PCDH15: variants seen among roughly 807,000 people sequenced by gnomAD.
The protein encoded by PCDH15 is protocadherin-15.
In PCDH15, 129 loss-of-function variants were observed where a neutral mutation model predicts 178.5. The observed-to-expected ratio is 0.72, with a 90% CI of 0.63 to 0.84. PCDH15 has a LOEUF of 0.84. PCDH15 is among the 40% of genes least tolerant of loss of function. The pLI is 0.00. For synonymous variants in PCDH15, 800 were observed against 732.0 expected, an observed-to-expected ratio of 1.09 and a Z score of -1.50; for missense variants, 2,230 against 2,099.9, an observed-to-expected ratio of 1.06 and a Z score of -1.21.
chr10:53,958,153 C>T (rs1197736644), intron 23 of PCDH15, among the ~76,000 whole-genome samples: 1 of 152,130 alleles, frequency 6.6e-6, no homozygotes, highest in Non-Finnish European at 1.5e-5. Flanking sequence ...GTAAAAAACA[C>T]TAAAGTCATC....
intron 2 of PCDH15, among the ~76,000 whole-genome samples, chr10:55,160,271 A>G (rs1839028207): frequency 6.6e-6 from 1 of 151,694 alleles, no homozygotes; most frequent in Non-Finnish European, 1.5e-5. Context: ...CTCTCCACCT[A>G]AAGGAAAGTT....
Position 54,669,675 on chromosome 10 carries a change from G to C in PCDH15, c.-28-5385C>G, listed in dbSNP as rs888928801. ...TCTCCCACCCGGTCCTGCTAAATTC[G>C]GCTTACTAGATCTTTGCTCGGGCTT... On this transcript the variant is annotated intron_variant, in intron 1 of 37. Transcript: ENST00000644397. Among the ~76,000 whole-genome samples, 3 of 146,784 alleles carry C rather than the reference G, an allele frequency of 2.0e-5. No individual in the cohort carries two copies. In the Admixed American group the frequency reaches 2.1e-4, roughly 10 times the overall value.
intron 18 of PCDH15, among the ~76,000 whole-genome samples, chr10:54,041,332 A>G (rs1331608642): frequency 2.6e-5 from 4 of 152,094 alleles, no homozygotes; most frequent in African/African-American, 9.7e-5. Flanking sequence ...TGACTTAACC[A>G]TACATGTTTT....
intron 2 of PCDH15, among the ~76,000 whole-genome samples, chr10:54,569,357 T>G (rs929960100): frequency 6.6e-6 from 1 of 152,186 alleles, no homozygotes; most frequent in African/African-American, 2.4e-5. Context: ...TGCTTAATGG[T>G]CATAGAAATG....
At chr10:54,346,623 CA>C in intron 5 of PCDH15, 139 bp from the exon 6 acceptor site, 1 of 961,808 alleles carries the variant, frequency 1.0e-6, no homozygotes, top group East Asian at 2.4e-5. Flanking sequence ...TGAAGTGTTT[CA>C]AAAGAACAGT....
intron 1 of PCDH15, among the ~76,000 whole-genome samples, chr10:55,253,129 C>A (rs1841886300): frequency 1.3e-5 from 2 of 151,792 alleles, no homozygotes; most frequent in Non-Finnish European, 2.9e-5. Context: ...TGGTCTCCAT[C>A]TAATGGATTC....
At chr10:54,054,306 C>G (rs78225167) in intron 18 of PCDH15, among the ~76,000 whole-genome samples, 2 of 151,940 alleles carry the variant, frequency 1.3e-5, no homozygotes, top group Admixed American at 1.3e-4. Context: ...TTAGATGATA[C>G]TTTCAAAATC....
chr10:54,871,971 A>G (rs1228996577), intron 3 of PCDH15, among the ~76,000 whole-genome samples: 1 of 152,086 alleles, frequency 6.6e-6, no homozygotes, highest in Middle Eastern at 3.2e-3. Context: ...AAGATTAAAC[A>G]AGGTGTGGAG....
In PCDH15 at chr10:55,188,204, G is replaced by A. The variant is rs148983288; in HGVS notation, c.-155-21553C>T. On this transcript the variant is annotated intron_variant, in intron 1 of 5. Coordinates refer to the PCDH15 transcript ENST00000458638. ...ACCCAGAGTGTGCACATTTTATATC[G>A]TGTTTATGTTACAGATAATTTATTT... Among the ~76,000 whole-genome samples the A allele has an allele frequency of 4.5e-3, 680 of 151,884 alleles. 3 individuals carry two copies. The highest frequency in any genetic ancestry group is 0.016 in the African/African-American group (646 of 41,450).
chr10:54,524,241 A>T (rs1352873900), intron 3 of PCDH15, among the ~76,000 whole-genome samples: 1 of 152,196 alleles, frequency 6.6e-6, no homozygotes, highest in Non-Finnish European at 1.5e-5. Flanking sequence ...GAGAGTGTAC[A>T]ATATATTTTA....
intron 2 of PCDH15, among the ~76,000 whole-genome samples, chr10:54,624,220 A>C (rs528588105): frequency 2.6e-5 from 4 of 152,328 alleles, no homozygotes; most frequent in African/African-American, 9.6e-5. Context: ...ATAATGCTCT[A>C]AATGAAATTT....
chr10:55,260,713 T>TATGCC (rs1159746692), intron 1 of PCDH15, among the ~76,000 whole-genome samples: 17 of 152,202 alleles, frequency 1.1e-4, no homozygotes, highest in Non-Finnish European at 2.5e-4. Context: ...ACAAATAACG[T>TATGCC]ATGCCATATT....
At chr10:55,443,959 A>G (rs1022880228) in intron 2 of PCDH15, among the ~76,000 whole-genome samples, 10 of 152,184 alleles carry the variant, frequency 6.6e-5, no homozygotes, top group Non-Finnish European at 1.2e-4. Flanking sequence ...CAGCCATAAA[A>G]AAGAATGAGT....
chr10:54,062,247 AAAAAAC>A lies in PCDH15; in HGVS notation c.2220+4504_2220+4509del, dbSNP rs1328613076. ...TGTCTCAAAAAAAAAAAAAAAAAAAAAAAAACAAAAAACAACTAAATGAAAACTCCC... is the reference window on the plus strand; with the variant it reads ...TGTCTCAAAAAAAAAAAAAAAAAAAAAAAAAACAACTAAATGAAAACTCCC... On this transcript the variant is annotated intron_variant, in intron 18 of 37. Coordinates refer to ENST00000644397, the MANE Select transcript of PCDH15 (RefSeq NM_001384140.1). Among the ~76,000 whole-genome samples, 170 of 125,716 alleles carry A rather than the reference AAAAAAC, an allele frequency of 1.4e-3. 4 individuals are homozygous for A. Among genetic ancestry groups the A allele is most frequent in the African/African-American group, 5.2e-3 (148 of 28,696 alleles). The allele number at this position is 125,716 out of a possible 152,430, so 82.5% of individuals were successfully genotyped here. A position where few individuals can be genotyped will look rare whatever the true frequency, so the allele number is the denominator to read the frequency against.
chr10:55,169,998 A>T (rs1380772295), intron 1 of PCDH15, among the ~76,000 whole-genome samples: 1 of 152,054 alleles, frequency 6.6e-6, no homozygotes, highest in Non-Finnish European at 1.5e-5. Context: ...GAAGGAAGGA[A>T]GGAAGGAAGG....
intron 2 of PCDH15, among the ~76,000 whole-genome samples, chr10:55,519,582 C>T (rs1328767941): frequency 6.6e-6 from 1 of 151,900 alleles, no homozygotes; most frequent in African/African-American, 2.4e-5. Flanking sequence ...AAAGTGTATA[C>T]TATATTTTTC....
chr10:55,072,476 G>T (rs914736541), intron 2 of PCDH15, among the ~76,000 whole-genome samples: 1 of 152,060 alleles, frequency 6.6e-6, no homozygotes, highest in African/African-American at 2.4e-5. Context: ...ACACCTCTAC[G>T]CAAATAAACT....
intron 1 of PCDH15, among the ~76,000 whole-genome samples, chr10:54,754,341 C>G (rs11004547): frequency 0.5 from 76,101 of 151,900 alleles, 19,621 homozygotes; most frequent in Middle Eastern, 0.68. Context: ...CTGGTCAATT[C>G]TCTTTGGCAA....
At chr10:54,293,208 CA>C (rs2059535336) in intron 8 of PCDH15, among the ~76,000 whole-genome samples, 1 of 152,244 alleles carries the variant, frequency 6.6e-6, no homozygotes, top group South Asian at 2.1e-4. Flanking sequence ...CAAAAACAAG[CA>C]ATGGGGAAAC....
Sources: allele counts gnomAD v4.1 joint callset (sites outside exome capture counted in the v4.1 genomes callset), GRCh38; gene constraint gnomAD v4.1.1; transcripts MANE v1.5; gene names NCBI Gene and HGNC (gene_info 2026-07-23, HGNC 2026-07-21).